Variants in KCNH8 observed in about 807,000 individuals in gnomAD.
KCNH8 encodes voltage-gated delayed rectifier potassium channel KCNH8.
In KCNH8, 70 loss-of-function variants were observed where a neutral mutation model predicts 103.6. The observed-to-expected ratio is 0.68, with a 90% confidence interval of 0.56 to 0.82. The LOEUF is 0.82. Among genes scored for constraint, KCNH8 ranks in the 40% least tolerant of loss-of-function variants. KCNH8 has a pLI of 0.00. For synonymous variants in KCNH8, 498 were observed against 489.4 expected, an observed-to-expected ratio of 1.02 and a Z score of -0.23; for missense variants, 1,217 against 1,329.9, an observed-to-expected ratio of 0.92 and a Z score of 1.32.
At chr3:19,243,193 T>C (rs893246160) in intron 1 of KCNH8, among the ~76,000 whole-genome samples, 3 of 152,162 alleles carry the variant, frequency 2.0e-5, no homozygotes, top group African/African-American at 7.2e-5. Flanking sequence ...GGCTTCCTTC[T>C]TACTACTCAT....
At chr3:19,196,846 A>G (rs2063607432) in intron 1 of KCNH8, among the ~76,000 whole-genome samples, 1 of 152,194 alleles carries the variant, frequency 6.6e-6, no homozygotes, top group Admixed American at 6.6e-5. Flanking sequence ...CTTTTAAAAA[A>G]TTATCCTTTA....
At chr3:19,467,300 GACACACAC>G (rs138481664) in intron 11 of KCNH8, among the ~76,000 whole-genome samples, 1 of 148,528 alleles carries the variant, frequency 6.7e-6, no homozygotes, top group Non-Finnish European at 1.5e-5. Flanking sequence ...TGTATAAGTA[GACACACAC>G]ACACACACAC....
At chr3:19,527,103 CAA>C (rs1333452467) in intron 15 of KCNH8, among the ~76,000 whole-genome samples, 1 of 151,944 alleles carries the variant, frequency 6.6e-6, no homozygotes, top group East Asian at 1.9e-4. Flanking sequence ...TGCAGCTGCT[CAA>C]ACTTTGGACT....
rs187467269 is a variant in KCNH8 at position 19,263,781 on chromosome 3, A to G, written c.310+9894A>G. 4.7e-3 allele frequency among the ~76,000 whole-genome samples: 713 copies of G among 152,244 alleles called. 3 individuals are homozygous for G. Among genetic ancestry groups the G allele is most frequent in the African/African-American group, 0.016 (658 of 41,568 alleles). ...TACCTCTTGATAAGAAGAGTGTCAA[A>G]GAATGTGCAGTTGTGTTGCACAACT... On this transcript the variant is annotated intron_variant, in intron 2 of 15. Transcript: ENST00000328405.
intron 7 of KCNH8, among the ~76,000 whole-genome samples, chr3:19,428,900 GTTTC>G (rs2067069281): frequency 6.6e-6 from 1 of 152,044 alleles, no homozygotes; most frequent in Non-Finnish European, 1.5e-5. Context: ...ATTTCGCTGT[GTTTC>G]TTGTTCTCCT....
chr3:19,482,383 T>TA (rs1161933321), intron 11 of KCNH8, among the ~76,000 whole-genome samples: 1 of 152,240 alleles, frequency 6.6e-6, no homozygotes, highest in Non-Finnish European at 1.5e-5. Flanking sequence ...TCTCCCTCTT[T>TA]ATTCCCCTCC....
chr3:19,346,512 C>G, intron 4 of KCNH8: 1 of 420,320 alleles, frequency 2.4e-6, no homozygotes, highest in Non-Finnish European at 4.8e-6. Context: ...GAAGTAGAAA[C>G]ATGGGTTGAA....
chr3:19,428,345 A>C (rs77284622), intron 7 of KCNH8, among the ~76,000 whole-genome samples: 1,649 of 152,336 alleles, frequency 0.011, 29 homozygotes, highest in African/African-American at 0.036. Context: ...TGACTTCGGT[A>C]CCTCATAATG....
intron 5 of KCNH8, among the ~76,000 whole-genome samples, chr3:19,376,991 A>G (rs1020976319): frequency 6.6e-6 from 1 of 152,208 alleles, no homozygotes; most frequent in African/African-American, 2.4e-5. Context: ...ACAACCATAA[A>G]CATACATGGA....
In KCNH8 at chr3:19,533,716, G is replaced by GCAGA; in HGVS notation, c.2945_2948dup (p.Ser983ArgfsTer3). 1 of 1,614,176 alleles carries GCAGA rather than the reference G, an allele frequency of 6.2e-7. No individual in the cohort carries two copies. The highest frequency in any genetic ancestry group is 2.2e-5 in the East Asian group (1 of 44,878). ...AACTGGAGCTCATGAGCAAAATCCT[G>GCAGA]CAGACAGTGAACTTTATCATTCTCC... On this transcript the variant is annotated frameshift_variant, in exon 16 of 16. Transcript: ENST00000328405. LOFTEE classifies it high-confidence loss of function.
At chr3:19,495,223 G>A (rs552072269) in intron 11 of KCNH8, among the ~76,000 whole-genome samples, 29 of 152,036 alleles carry the variant, frequency 1.9e-4, no homozygotes, top group Non-Finnish European at 3.8e-4. Context: ...GTCAATTTTT[G>A]CCTTTGTTGC....
At chr3:19,412,326 A>T (rs2066793151) in intron 7 of KCNH8, among the ~76,000 whole-genome samples, 1 of 152,052 alleles carries the variant, frequency 6.6e-6, no homozygotes, top group Non-Finnish European at 1.5e-5. Flanking sequence ...TGGTGCTGGG[A>T]TGCCTAGATA....
chr3:19,244,858 A>C (rs2064184684), intron 1 of KCNH8, among the ~76,000 whole-genome samples: 1 of 151,944 alleles, frequency 6.6e-6, no homozygotes, highest in Non-Finnish European at 1.5e-5. Flanking sequence ...CATAGATTCT[A>C]GATATTAGAT....
rs1575184892 is a variant in KCNH8 at position 19,534,563 on chromosome 3, A to G, written c.*464A>G. 6.3e-6 allele frequency: 1 copy of G among 158,702 alleles called. No homozygotes were observed. Among genetic ancestry groups the G allele is most frequent in the East Asian group, 1.9e-4 (1 of 5,354 alleles). The allele number at this position is 158,702 out of a possible 1,614,324, so 9.8% of individuals were successfully genotyped here. ...TTTTTGTGAAGGCAAAGGGACAATT[A>G]TCACTGCATGTCATCTCCTAGACAA... On this transcript the variant is annotated 3_prime_UTR_variant, in exon 16 of 16. Coordinates refer to ENST00000328405, the MANE Select transcript of KCNH8 (RefSeq NM_144633.3).
In KCNH8 at chr3:19,513,281, A is replaced by G. The variant is rs893763290; in HGVS notation, c.2391A>G (p.Gln797=). 8 of 1,612,172 alleles carry G rather than the reference A, an allele frequency of 5.0e-6. No homozygotes were observed. The African/African-American group carries it at 6.7e-5, about 13-fold the overall frequency. The stretch of plus-strand genomic sequence containing the variant: ...GGAAAGAGAAGAACTTGAAATTGCA[A>G]CTTTCAACTTTGAATAATGCTGGAC... ...NKRKEKNLKL[Q]LSTLNNAGPP... Residue 797 remains glutamine, a synonymous_variant, in exon 13 of 16, where the codon CAA becomes CAG. Coordinates refer to ENST00000328405, the MANE Select transcript of KCNH8 (RefSeq NM_144633.3).
intron 3 of KCNH8, among the ~76,000 whole-genome samples, chr3:19,286,812 G>A (rs2064838825): frequency 1.3e-5 from 2 of 152,234 alleles, no homozygotes; most frequent in East Asian, 1.9e-4. Context: ...CTATTTTTCT[G>A]AATATTTTTG....
intron 11 of KCNH8, among the ~76,000 whole-genome samples, chr3:19,472,756 C>A (rs975086068): frequency 2.6e-5 from 4 of 152,162 alleles, no homozygotes; most frequent in African/African-American, 9.7e-5. Context: ...CTACGTTAAT[C>A]AGAATATCTC....
In KCNH8 at chr3:19,283,941, C is replaced by CA. The variant is rs549944584; in HGVS notation, c.442+2624dup. ...TGGGTGACAGAGTGAGACCCTGTCT[C>CA]AAAAAAAAAAAAGAAATAAAGAAAA... is the stretch of plus-strand genomic sequence containing the variant. On this transcript the variant is annotated intron_variant, in intron 3 of 15. Coordinates refer to ENST00000328405, the MANE Select transcript of KCNH8 (RefSeq NM_144633.3). Among the ~76,000 whole-genome samples, 248 of 78,844 alleles carry CA rather than the reference C, an allele frequency of 3.1e-3. 1 individual carries two copies. Among genetic ancestry groups the CA allele is most frequent in the Middle Eastern group, 8.3e-3 (1 of 120 alleles). 51.7% of individuals were successfully genotyped at this position (78,844 alleles called of 152,430 possible).
Position 19,395,213 on chromosome 3 carries a change from T to C in KCNH8, c.1079T>C (p.Met360Thr). Residue 360 changes from methionine to threonine, a missense_variant, in exon 7 of 16, where the codon ATG becomes ACG. By Grantham distance (81) the Met-to-Thr change is moderately conservative. Transcript: ENST00000328405. ...QHSTIVLTLLMSMFALLAHWM... is the reference protein window; with the variant it reads ...QHSTIVLTLLTSMFALLAHWM... Reference sequence around the variant, plus strand: ...AGTACTATCGTCCTGACTCTGCTCATGTCCATGTTTGCACTCCTTGCACAC... The same window carrying C: ...AGTACTATCGTCCTGACTCTGCTCACGTCCATGTTTGCACTCCTTGCACAC... 1 of 1,609,328 alleles carries C rather than the reference T, an allele frequency of 6.2e-7. No individual in the cohort carries two copies. Among genetic ancestry groups the C allele is most frequent in the East Asian group, 2.2e-5 (1 of 44,692 alleles).
Sources: gnomAD v4.1 joint callset for allele counts (sites outside exome capture counted in the v4.1 genomes callset) on GRCh38, gnomAD v4.1.1 for gene constraint, MANE v1.5 for transcripts, NCBI Gene and HGNC (gene_info 2026-07-23, HGNC 2026-07-21) for gene names.